Variants in NFIA observed in about 807,000 individuals in gnomAD.
NFIA encodes the protein nuclear factor 1 A-type.
A neutral mutation model predicts 62.8 loss-of-function variants in NFIA; 8 were observed. That is an observed-to-expected ratio of 0.13 (90% CI 0.07 to 0.23). NFIA has a LOEUF of 0.23. NFIA is among the 10% of genes least tolerant of loss of function. The probability of loss-of-function intolerance (pLI) is 1.00; values close to 1 mark genes in which losing one functional copy is unlikely to be tolerated. For synonymous variants in NFIA, 235 were observed against 238.1 expected, an observed-to-expected ratio of 0.99 and a Z score of 0.12; for missense variants, 410 against 642.1, an observed-to-expected ratio of 0.64 and a Z score of 3.91.
intron 2 of NFIA, among the ~76,000 whole-genome samples, chr1:61,235,139 G>T (rs1295540496): frequency 3.3e-5 from 5 of 152,172 alleles, no homozygotes; most frequent in African/African-American, 1.2e-4. Flanking sequence ...ATAAAGGAAT[G>T]AAACTACTAC....
At chr1:61,401,124 A>G (rs1431938805) in intron 7 of NFIA, among the ~76,000 whole-genome samples, 1 of 152,220 alleles carries the variant, frequency 6.6e-6, no homozygotes, top group Non-Finnish European at 1.5e-5. Flanking sequence ...TTGCACAGTG[A>G]ACTGATGACT....
intron 2 of NFIA, among the ~76,000 whole-genome samples, chr1:61,257,603 G>C (rs1317326076): frequency 1.3e-5 from 2 of 152,066 alleles, no homozygotes; most frequent in African/African-American, 2.4e-5. Flanking sequence ...CTCCCAAAGT[G>C]CTGGGATTAT....
chr1:61,338,209 A>G (rs899263537), intron 4 of NFIA, among the ~76,000 whole-genome samples: 1 of 152,198 alleles, frequency 6.6e-6, no homozygotes, highest in Non-Finnish European at 1.5e-5. Context: ...AACCACTCTC[A>G]GTTACCCGGA....
At chr1:61,438,444 A>G (rs1667429523) in intron 10 of NFIA, among the ~76,000 whole-genome samples, 1 of 152,194 alleles carries the variant, frequency 6.6e-6, no homozygotes, top group Non-Finnish European at 1.5e-5. Context: ...AGAAATGGTA[A>G]TATGATGAGC....
intron 10 of NFIA, among the ~76,000 whole-genome samples, chr1:61,429,917 C>A (rs6587925): frequency 0.45 from 67,970 of 151,952 alleles, 16,174 homozygotes; most frequent in South Asian, 0.6. Context: ...GGGTTAGGGG[C>A]AGGGCAGAAT....
chr1:61,272,496 G>A (rs958040419), intron 2 of NFIA, among the ~76,000 whole-genome samples: 2 of 152,084 alleles, frequency 1.3e-5, no homozygotes, highest in African/African-American at 4.8e-5. Flanking sequence ...GATCAAAACA[G>A]AGTAATTTTA....
intron 3 of NFIA, among the ~76,000 whole-genome samples, chr1:61,324,375 A>G (rs1030015351): frequency 1.3e-5 from 2 of 152,158 alleles, no homozygotes; most frequent in African/African-American, 2.4e-5. Flanking sequence ...ATGGAACCCT[A>G]TTTACCAAAG....
rs758200945 is a variant in NFIA, at chr1:61,082,785, G to A, written c.-7G>A. On this transcript the variant is annotated 5_prime_UTR_variant, in exon 1 of 11. Transcript: ENST00000403491. Reference sequence around the variant, plus strand: ...GACGCACACGCATACCCCAGCGCCCGGCAGTTATGTATTCTCCGCTCTGTC... The same window carrying A: ...GACGCACACGCATACCCCAGCGCCCAGCAGTTATGTATTCTCCGCTCTGTC... 1.9e-6 allele frequency: 3 copies of A among 1,552,128 alleles called. No individual in the cohort carries two copies. Among genetic ancestry groups the A allele is most frequent in the South Asian group, 1.2e-5 (1 of 84,132 alleles).
chr1:61,266,933 C>A (rs1197484560), intron 2 of NFIA, among the ~76,000 whole-genome samples: 1 of 152,150 alleles, frequency 6.6e-6, no homozygotes, highest in Non-Finnish European at 1.5e-5. Flanking sequence ...CCATTCAGTC[C>A]TGGTACTCTC....
intron 3 of NFIA, among the ~76,000 whole-genome samples, chr1:61,299,412 CTCTT>C (rs1659372664): frequency 6.6e-6 from 1 of 152,148 alleles, no homozygotes; most frequent in South Asian, 2.1e-4. Flanking sequence ...AGGCCACTAC[CTCTT>C]TAATTTTTCT....
At chr1:61,323,561 A>G (rs1198096581) in intron 3 of NFIA, among the ~76,000 whole-genome samples, 1 of 152,212 alleles carries the variant, frequency 6.6e-6, no homozygotes, top group East Asian at 1.9e-4. Context: ...GCCGTATCTC[A>G]AATGTCACCA....
At chr1:61,130,660 T>C (rs1460076704) in intron 2 of NFIA, among the ~76,000 whole-genome samples, 1 of 152,178 alleles carries the variant, frequency 6.6e-6, no homozygotes, top group East Asian at 1.9e-4. Flanking sequence ...TCCCTGTGTG[T>C]GTGCACCTGA....
At chr1:61,148,822 A>C (rs527287132) in intron 2 of NFIA, among the ~76,000 whole-genome samples, 2 of 152,216 alleles carry the variant, frequency 1.3e-5, no homozygotes, top group Non-Finnish European at 2.9e-5. Context: ...CTGATACTAA[A>C]GTGGGTAAAC....
At chr1:61,292,511 C>T (rs941495875) in intron 3 of NFIA, among the ~76,000 whole-genome samples, 1 of 152,060 alleles carries the variant, frequency 6.6e-6, no homozygotes, top group African/African-American at 2.4e-5. Flanking sequence ...AGAAACCAAC[C>T]CCATACTCCT....
intron 2 of NFIA, among the ~76,000 whole-genome samples, chr1:61,092,156 A>T (rs546281439): frequency 2.0e-5 from 3 of 152,214 alleles, no homozygotes; most frequent in Non-Finnish European, 4.4e-5. Flanking sequence ...TTCAAGTGAC[A>T]TTAGGCCTAA....
chr1:61,441,430 A>G (rs1667578297), intron 10 of NFIA, among the ~76,000 whole-genome samples: 1 of 151,986 alleles, frequency 6.6e-6, no homozygotes, highest in Non-Finnish European at 1.5e-5. Context: ...TTCACAGTGC[A>G]GACAAAGGTC....
At chr1:61,286,110 G>A (rs573039788) in intron 3 of NFIA, among the ~76,000 whole-genome samples, 3 of 152,280 alleles carry the variant, frequency 2.0e-5, no homozygotes, top group Non-Finnish European at 4.4e-5. Flanking sequence ...TTTCTCATAA[G>A]TAATTTAACA....
chr1:61,352,961 A>T (rs983735679), intron 5 of NFIA, among the ~76,000 whole-genome samples: 1 of 152,088 alleles, frequency 6.6e-6, no homozygotes, highest in South Asian at 2.1e-4. Context: ...AAAGGCTTGG[A>T]GGAAGGATGG....
intron 3 of NFIA, among the ~76,000 whole-genome samples, chr1:61,311,027 G>A (rs924015570): frequency 1.3e-5 from 2 of 152,098 alleles, no homozygotes; most frequent in African/African-American, 4.8e-5. Context: ...TGTGTTTTAG[G>A]GAAATGAACT....
Sources: allele counts gnomAD v4.1 joint callset (sites outside exome capture counted in the v4.1 genomes callset), GRCh38; gene constraint gnomAD v4.1.1; transcripts MANE v1.5; gene names NCBI Gene and HGNC (gene_info 2026-07-23, HGNC 2026-07-21).